Variants in ACOT7 observed in about 807,000 individuals in gnomAD.
ACOT7 encodes cytosolic acyl coenzyme A thioester hydrolase.
A neutral mutation model predicts 40.2 loss-of-function variants in ACOT7; 12 were observed. The ratio of observed to expected loss-of-function variants is 0.30; its 90% CI spans 0.19 to 0.48. The LOEUF is 0.48. ACOT7 is among the 20% of genes least tolerant of loss of function. The probability of loss-of-function intolerance (pLI) is 0.99; values close to 1 mark genes in which losing one functional copy is unlikely to be tolerated. For missense variants in ACOT7, 395 were observed against 530.8 expected (o/e 0.74, Z 2.51); for synonymous variants, 228 against 219.5 (o/e 1.04, Z -0.34).
chr1:6,295,314 ACGTGCTG>A (rs1639782397), intron 6 of ACOT7: 1 of 199,524 alleles, frequency 5.0e-6, no homozygotes, highest in African/African-American at 2.3e-5. Flanking sequence ...ACAGAACAGC[ACGTGCTG>A]GCGAGGATGT....
intron 8 of ACOT7, among the ~76,000 whole-genome samples, chr1:6,264,954 G>A (rs1368589699): frequency 2.0e-5 from 3 of 152,244 alleles, no homozygotes; most frequent in Non-Finnish European, 4.4e-5. Flanking sequence ...GGCCGCAGGA[G>A]CCACAGGTGG....
chr1:6,389,377 T>C (rs1642496551), intron 1 of ACOT7, among the ~76,000 whole-genome samples: 1 of 152,092 alleles, frequency 6.6e-6, no homozygotes, highest in South Asian at 2.1e-4. Flanking sequence ...TCCCCCTCCA[T>C]CAGCATGGTT....
At chr1:6,280,029 C>T (rs1360172823) in intron 8 of ACOT7, among the ~76,000 whole-genome samples, 2 of 152,210 alleles carry the variant, frequency 1.3e-5, no homozygotes, top group South Asian at 2.1e-4. Flanking sequence ...CAAATGCTTG[C>T]GGATCTGCGT....
chr1:6,286,777 C>G (rs1487397768), intron 7 of ACOT7, among the ~76,000 whole-genome samples: 1 of 152,166 alleles, frequency 6.6e-6, no homozygotes, highest in Non-Finnish European at 1.5e-5. Context: ...CACAGTCAAC[C>G]CATGTGGTTC....
At position 6,333,466 on chromosome 1, in the gene ACOT7, G is replaced by C; in HGVS notation, c.510+11C>G. 2 of 1,614,060 alleles carry C rather than the reference G, an allele frequency of 1.2e-6. No homozygotes were observed. Among genetic ancestry groups the C allele is most frequent in the Non-Finnish European group, 1.7e-6 (2 of 1,179,912 alleles). On this transcript the variant is annotated intron_variant, in intron 4 of 8. Coordinates refer to ENST00000361521, the MANE Select transcript of ACOT7 (RefSeq NM_007274.4). ...TCTGCCCCCAAGAGAGAAGTAGAAA[G>C]GGCACCTTACCACAACAGGAGGCAC...
chr1:6,350,017 G>A (rs1452943206), intron 1 of ACOT7, 151 bp from the exon 2 acceptor site: 5 of 756,694 alleles, frequency 6.6e-6, no homozygotes, highest in Admixed American at 4.7e-5. Flanking sequence ...CCTAGGTGGT[G>A]TGTTCGTCAG....
At chr1:6,324,672 T>C (rs1640750619) in intron 5 of ACOT7, among the ~76,000 whole-genome samples, 1 of 152,216 alleles carries the variant, frequency 6.6e-6, no homozygotes, top group East Asian at 1.9e-4. Flanking sequence ...AAAAGGTAGG[T>C]CCAGGCAGCC....
chr1:6,275,930 A>G lies in ACOT7; in HGVS notation c.1014+5172T>C, dbSNP rs1639175551. 6.6e-6 allele frequency among the ~76,000 whole-genome samples: 1 copy of G among 152,068 alleles called. No individual in the cohort carries two copies. The highest frequency in any genetic ancestry group is 1.5e-5 in the Non-Finnish European group (1 of 68,012). On this transcript the variant is annotated intron_variant, in intron 8 of 8. Coordinates refer to ENST00000361521, the MANE Select transcript of ACOT7 (RefSeq NM_007274.4). This position sits in a 1 kb window ranked among gnomAD's most constrained non-coding sequence, Gnocchi z 5.6. ...GCTTTGCAAAGACCCTGCCCTGCAT[A>G]ATGTGGTTGCACAGTTGGAGCCTCG... is the stretch of plus-strand genomic sequence containing the variant.
rs182878937 is a variant in ACOT7, at chr1:6,359,926, G to A, written c.144-10060C>T. 3.9e-5 allele frequency among the ~76,000 whole-genome samples: 6 copies of A among 152,330 alleles called. No homozygotes were observed. Among genetic ancestry groups the A allele is most frequent in the Admixed American group, 3.3e-4 (5 of 15,302 alleles). On this transcript the variant is annotated intron_variant, in intron 1 of 8. Transcript: ENST00000361521. This position sits in a 1 kb window ranked among gnomAD's most constrained non-coding sequence, Gnocchi z 4.1. ...AGGGCTGATTAGGCCACTCCCACTG[G>A]AACAGCCGGCCCTTATCAAGGCCCT...
At chr1:6,347,135 C>T (rs1485835423) in intron 2 of ACOT7, among the ~76,000 whole-genome samples, 2 of 150,880 alleles carry the variant, frequency 1.3e-5, no homozygotes, top group African/African-American at 2.4e-5. Flanking sequence ...CCCTGCCCCA[C>T]CTAGGGCCCC....
chr1:6,379,701 G>A (rs1391792935), intron 1 of ACOT7, among the ~76,000 whole-genome samples: 3 of 151,560 alleles, frequency 2.0e-5, no homozygotes, highest in Admixed American at 2.0e-4. Context: ...AGCTCAAGCA[G>A]TCTTCCCACT....
intron 1 of ACOT7, among the ~76,000 whole-genome samples, chr1:6,388,756 A>C (rs796985897): frequency 1.3e-4 from 16 of 120,838 alleles, no homozygotes; most frequent in African/African-American, 5.3e-4. Context: ...AAAAAAAAAA[A>C]GGCCGGGTGC....
At chr1:6,329,514 C>T (rs1640897633) in intron 4 of ACOT7, among the ~76,000 whole-genome samples, 1 of 151,830 alleles carries the variant, frequency 6.6e-6, no homozygotes, top group Admixed American at 6.6e-5. Context: ...AGGAGCCAGC[C>T]CCCGGTCTAA....
rs1418326238 is a variant in ACOT7 at position 6,305,507 on chromosome 1, T to A, written c.713-10527A>T. On this transcript the variant is annotated intron_variant, in intron 6 of 8. Coordinates refer to ENST00000361521, the MANE Select transcript of ACOT7 (RefSeq NM_007274.4). ...GCCGGGCGGAGGGGCTTCTCACTTCTCAGACGGGGCGGTTGCCAGGCAGAG... is the reference window on the plus strand; with the variant it reads ...GCCGGGCGGAGGGGCTTCTCACTTCACAGACGGGGCGGTTGCCAGGCAGAG... 2.1e-5 allele frequency among the ~76,000 whole-genome samples: 3 copies of A among 141,364 alleles called. 1 individual carries two copies. The highest frequency in any genetic ancestry group is 8.1e-5 in the African/African-American group (3 of 36,902). The allele number at this position is 141,364 out of a possible 152,430, so 92.7% of individuals were successfully genotyped here.
intron 5 of ACOT7, among the ~76,000 whole-genome samples, chr1:6,323,411 T>C (rs1640701653): frequency 6.6e-6 from 1 of 152,076 alleles, no homozygotes. Flanking sequence ...AGATGAGGTC[T>C]AGTCCCTGAC....
At chr1:6,281,380 G>A (rs564990233) in intron 7 of ACOT7, 94 bp from the exon 8 acceptor site, 2 of 1,121,062 alleles carry the variant, frequency 1.8e-6, no homozygotes, top group Admixed American at 3.6e-5. Context: ...CAGACACTTG[G>A]TTAGGGGAAG....
In ACOT7 at chr1:6,325,353, G is replaced by A. The variant is rs375730688; in HGVS notation, c.625+1946C>T. Among the ~76,000 whole-genome samples, 213 of 151,240 alleles carry A rather than the reference G, an allele frequency of 1.4e-3. 1 individual carries two copies. Among genetic ancestry groups the A allele is most frequent in the Admixed American group, 2.2e-3 (34 of 15,212 alleles). Reference sequence around the variant, plus strand: ...GCAGAGCTTGCAGTGAGCTGAGATCGCGCCACTGCACTCCAGCCAGGAGGA... The same window carrying A: ...GCAGAGCTTGCAGTGAGCTGAGATCACGCCACTGCACTCCAGCCAGGAGGA... On this transcript the variant is annotated intron_variant, in intron 5 of 8. Coordinates refer to ENST00000361521, the MANE Select transcript of ACOT7 (RefSeq NM_007274.4).
intron 6 of ACOT7, among the ~76,000 whole-genome samples, chr1:6,308,285 C>A (rs982364595): frequency 3.5e-5 from 5 of 142,594 alleles, no homozygotes; most frequent in African/African-American, 1.3e-4. Context: ...AAGGAACAGC[C>A]ACAGGCAGAG....
chr1:6,333,411 A>C, intron 4 of ACOT7, 66 bp downstream of exon 4: 3 of 1,572,454 alleles, frequency 1.9e-6, no homozygotes, highest in Non-Finnish European at 2.6e-6. Flanking sequence ...GAGCCTCCCA[A>C]CATCAGGTGA....
Sources: allele counts gnomAD v4.1 joint callset (sites outside exome capture counted in the v4.1 genomes callset), GRCh38; gene constraint gnomAD v4.1.1; non-coding constraint Gnocchi (gnomAD v3.1); transcripts MANE v1.5; gene names NCBI Gene and HGNC (gene_info 2026-07-23, HGNC 2026-07-21).